Variants in EML2 observed in about 807,000 individuals in gnomAD.
EML2 encodes the protein EMAP like 2.
In EML2, 59 loss-of-function variants were observed where a neutral mutation model predicts 84.7. That is an observed-to-expected ratio of 0.70 (90% confidence interval 0.56 to 0.86). The LOEUF (loss-of-function observed/expected upper bound fraction) is 0.86, where lower values mean the gene tolerates loss of function less well. Among genes scored for constraint, EML2 ranks in the 40% least tolerant of loss-of-function variants. The pLI, the probability that EML2 is intolerant of heterozygous loss-of-function variation, is 0.00. For synonymous variants in EML2, 352 were observed against 348.9 expected (o/e 1.01, Z -0.10); for missense variants, 818 against 855.6 (o/e 0.96, Z 0.55).
upstream of EML2, among the ~76,000 whole-genome samples, chr19:45,644,279 C>G (rs141619000): frequency 1.4e-3 from 218 of 152,216 alleles, 2 homozygotes; most frequent in Middle Eastern, 6.8e-3. Context: ...TACTGAAGCC[C>G]AGAAAGGTGA....
intron 16 of EML2, among the ~76,000 whole-genome samples, 185 bp downstream of exon 16, chr19:45,615,617 G>A (rs189763517): frequency 5.2e-4 from 79 of 151,876 alleles, no homozygotes; most frequent in Non-Finnish European, 8.8e-4. Flanking sequence ...GAAAGGGGAG[G>A]AGTTGACTAA....
intron 18 of EML2, among the ~76,000 whole-genome samples, chr19:45,611,548 C>T (rs1391512749): frequency 6.6e-6 from 1 of 151,608 alleles, no homozygotes; most frequent in African/African-American, 2.4e-5. Flanking sequence ...TGCAGTGGTG[C>T]AATCTCAACT....
chr19:45,633,194 A>G, intron 4 of EML2, 55 bp from the exon 5 acceptor site: 1 of 1,545,854 alleles, frequency 6.5e-7, no homozygotes, highest in Non-Finnish European at 8.9e-7. Context: ...AGAGGCTCAC[A>G]GAGACCCAGG....
intron 12 of EML2, chr19:45,618,808 A>G (rs1198316358): frequency 4.2e-6 from 1 of 236,960 alleles, no homozygotes; most frequent in Non-Finnish European, 8.5e-6. Context: ...TTAGCTGGAC[A>G]TGGTGGTGTG....
upstream of EML2, chr19:45,645,400 A>G (rs1280290603): frequency 6.7e-7 from 1 of 1,489,558 alleles, no homozygotes. Flanking sequence ...CCCCCCAACC[A>G]GGCCCTGCCT....
At chr19:45,632,998 T>TG in intron 5 of EML2, 27 bp from the exon 6 acceptor site, 1 of 1,606,246 alleles carries the variant, frequency 6.2e-7, no homozygotes, top group Non-Finnish European at 8.5e-7. Context: ...CTTGTTACCT[T>TG]GGGGGTGCCA....
At chr19:45,616,434 G>T in intron 15 of EML2, 27 bp downstream of exon 15, 1 of 1,545,708 alleles carries the variant, frequency 6.5e-7, no homozygotes, top group East Asian at 2.3e-5. Flanking sequence ...GGGTGGCGGC[G>T]CGGGCTGGGG....
rs571019446 is a variant in EML2, at chr19:45,614,681, C to T, written c.1617G>A (p.Lys539=). The part of the protein sequence containing the change: ...EILYWDPATC[K]QITSADAVRN... ...TCACAGCATCCGCACTGGTGATCTGCTTACAGGTAGCCGGGTCCCCTGGGG... is the reference window on the plus strand; with the variant it reads ...TCACAGCATCCGCACTGGTGATCTGTTTACAGGTAGCCGGGTCCCCTGGGG... Residue 539 remains lysine, a synonymous_variant, in exon 17 of 19, where the codon AAG becomes AAA. Coordinates refer to ENST00000245925, the MANE Select transcript of EML2 (RefSeq NM_012155.4). 8.8e-5 allele frequency: 142 copies of T among 1,614,044 alleles called. 1 individual carries two copies. The Admixed American group carries it at 2.3e-3, about 26-fold the overall frequency.
chr19:45,625,157 C>T (rs543596196), intron 8 of EML2, among the ~76,000 whole-genome samples: 1 of 152,310 alleles, frequency 6.6e-6, no homozygotes, highest in South Asian at 2.1e-4. Flanking sequence ...CCTCCCCCTC[C>T]CGGGTTCAAA....
At chr19:45,631,884 A>ATTTTTTTTTTTTTT (rs755529171) in intron 6 of EML2, among the ~76,000 whole-genome samples, 4 of 90,332 alleles carry the variant, frequency 4.4e-5, no homozygotes, top group Admixed American at 1.4e-4. Context: ...GCTAATTAGA[A>ATTTTTTTTTTTTTT]TTTTTTTTTT....
upstream of EML2, chr19:45,642,105 A>T (rs1974578439): frequency 6.8e-7 from 1 of 1,466,292 alleles, no homozygotes; most frequent in Non-Finnish European, 9.0e-7. Context: ...GGTCCTCCCC[A>T]TCCCACCCCT....
chr19:45,643,504 C>G, upstream of EML2: 1 of 1,529,616 alleles, frequency 6.5e-7, no homozygotes. Context: ...CCCCCAACCC[C>G]GCTCATTTTC....
At chr19:45,620,575 G>A (rs1971564994) in intron 11 of EML2, among the ~76,000 whole-genome samples, 1 of 151,790 alleles carries the variant, frequency 6.6e-6, no homozygotes, top group East Asian at 1.9e-4. Context: ...TGGGTGTAGT[G>A]GTACATGCCT....
intron 15 of EML2, 42 bp from the exon 16 acceptor site, chr19:45,615,931 G>A (rs1208543608): frequency 1.4e-6 from 2 of 1,471,738 alleles, no homozygotes; most frequent in East Asian, 2.3e-5. Context: ...TGCAGAGGGC[G>A]GAACCAAGGA....
chr19:45,610,667 GTC>G (rs879553741), intron 18 of EML2, among the ~76,000 whole-genome samples: 1 of 151,404 alleles, frequency 6.6e-6, no homozygotes, highest in Non-Finnish European at 1.5e-5. Flanking sequence ...GTAAAACCCT[GTC>G]TCTACTAAAA....
At chr19:45,640,232 T>G (rs1021821805), upstream of EML2, 5 of 152,168 alleles carry the variant, frequency 3.3e-5, no homozygotes, top group Admixed American at 6.6e-5. Context: ...TTTTGTTTTG[T>G]TTTTGATACA....
upstream of EML2, among the ~76,000 whole-genome samples, chr19:45,643,181 T>C (rs1974739813): frequency 6.6e-6 from 1 of 152,076 alleles, no homozygotes; most frequent in East Asian, 1.9e-4. Context: ...CTTCACTGTT[T>C]CTAAGACTTT....
At position 45,621,525 on chromosome 19, in the gene EML2, C is replaced by G. The variant is rs1209185617; in HGVS notation, c.954G>C (p.Val318=). ...TGCTGTAGTCAGAACCCCAGAGGAC[C>G]ACCCGCCGATCACGGCCCCCTCCAG... The part of the protein sequence containing the change: ...LVSGGGRDRR[V]VLWGSDYSKL... Residue 318 remains valine (V), a synonymous_variant, in exon 10 of 19, where the codon GTG becomes GTC. Coordinates refer to ENST00000245925, the MANE Select transcript of EML2 (RefSeq NM_012155.4). The G allele has an allele frequency of 4.3e-6, 7 of 1,612,044 alleles. No individual in the cohort carries two copies. Among genetic ancestry groups the G allele is most frequent in the Non-Finnish European group, 5.9e-6 (7 of 1,179,922 alleles).
chr19:45,628,778 A>C (rs1316365626), intron 7 of EML2: 1 of 152,130 alleles, frequency 6.6e-6, no homozygotes, highest in Non-Finnish European at 1.5e-5. Context: ...AGCCAAGATT[A>C]TGCCATTGCA....
Sources: gnomAD v4.1 joint callset for allele counts (sites outside exome capture counted in the v4.1 genomes callset) on GRCh38, gnomAD v4.1.1 for gene constraint, MANE v1.5 for transcripts, NCBI Gene and HGNC (gene_info 2026-07-23, HGNC 2026-07-21) for gene names.